The following USP46 variants were observed in gnomAD, a reference collection of about 807,000 sequenced individuals.
USP46 encodes the protein ubiquitin specific peptidase 46.
In USP46, 12 loss-of-function variants were observed where a neutral mutation model predicts 44.4. That is an observed-to-expected ratio of 0.27 (90% CI 0.17 to 0.44). USP46 has a LOEUF of 0.44. Among genes scored for constraint, USP46 ranks in the 20% least tolerant of loss-of-function variants. The pLI, the probability that USP46 is intolerant of heterozygous loss-of-function variation, is 1.00. For synonymous variants in USP46, 155 were observed against 161.5 expected (o/e 0.96, Z 0.31); for missense variants, 248 against 444.8 (o/e 0.56, Z 3.98).
rs187143629 is a variant in USP46 at position 52,628,957 on chromosome 4, C to T, written c.118-794G>A. Among the ~76,000 whole-genome samples the T allele has an allele frequency of 5.9e-4, 90 of 152,300 alleles. 1 individual carries two copies. In the Middle Eastern group the frequency reaches 0.017, roughly 29 times the overall value. ...ATTATTAAAGAGGGAAAACGTCTCA[C>T]TGATTTTCTACTGACTATAAGACCA... On this transcript the variant is annotated intron_variant, in intron 2 of 8. Transcript: ENST00000441222.
chr4:52,610,050 C>T (rs1262112073), intron 5 of USP46, among the ~76,000 whole-genome samples: 1 of 148,322 alleles, frequency 6.7e-6, no homozygotes, highest in African/African-American at 2.5e-5. Flanking sequence ...CTCAGCCTCC[C>T]GTGTAGCTGG....
intron 5 of USP46, among the ~76,000 whole-genome samples, chr4:52,609,813 C>G (rs1485882050): frequency 6.7e-6 from 1 of 149,234 alleles, no homozygotes; most frequent in Admixed American, 6.7e-5. Context: ...TGCCTCTAGC[C>G]TGCCTTCACC....
Position 52,595,661 on chromosome 4 carries a change from A to G in USP46, c.*1979T>C, listed in dbSNP as rs1347149373. 1 of 152,234 alleles carries G rather than the reference A, an allele frequency of 6.6e-6. No individual in the cohort carries two copies. Among genetic ancestry groups the G allele is most frequent in the Non-Finnish European group, 1.5e-5 (1 of 68,036 alleles). 9.4% of individuals were successfully genotyped at this position (152,234 alleles called of 1,614,324 possible). ...TTACTTCTACAGCCTTCCAACTGAA[A>G]TATTTTTTCTAATAAATTAGCTTCA... On this transcript the variant is annotated 3_prime_UTR_variant, in exon 9 of 9. Transcript: ENST00000441222.
chr4:52,615,341 G>A (rs192314215), intron 4 of USP46, among the ~76,000 whole-genome samples: 1 of 152,062 alleles, frequency 6.6e-6, no homozygotes, highest in Non-Finnish European at 1.5e-5. Context: ...TTGGAAAAAC[G>A]ACATACTATG....
At chr4:52,608,656 C>G (rs571510967) in intron 5 of USP46, among the ~76,000 whole-genome samples, 1 of 152,214 alleles carries the variant, frequency 6.6e-6, no homozygotes, top group Admixed American at 6.5e-5. Flanking sequence ...ACCCCTCCAC[C>G]CCCCACTCTC....
intron 1 of USP46, among the ~76,000 whole-genome samples, chr4:52,657,034 C>A: frequency 7.6e-6 from 1 of 131,706 alleles, no homozygotes; most frequent in African/African-American, 3.0e-5. Context: ...CAGTGTGAGA[C>A]CTTGTCAAAA....
At chr4:52,613,287 T>G (rs1048822814) in intron 4 of USP46, among the ~76,000 whole-genome samples, 2 of 152,198 alleles carry the variant, frequency 1.3e-5, no homozygotes, top group Non-Finnish European at 2.9e-5. Context: ...ATGCATGGAA[T>G]ACACACAAAG....
Position 52,597,697 on chromosome 4 carries a change from T to C in USP46, c.1044A>G (p.Ser348=), listed in dbSNP as rs373042114. 2 of 1,603,850 alleles carry C rather than the reference T, an allele frequency of 1.2e-6. No homozygotes were observed. The highest frequency in any genetic ancestry group is 1.7e-6 in the Non-Finnish European group (2 of 1,174,822). The change falls in exon 9 of 9, where the codon TCA becomes TCG. Residue 348 remains serine (S), a synonymous_variant. Coordinates refer to ENST00000441222, the MANE Select transcript of USP46 (RefSeq NM_022832.4). ...QAIEEFYGLT[S]DISKNSESGY... is the part of the protein sequence containing the mutation. ...CAGATTCTGAATTTTTTGATATATC[T>C]GACGTCAGGCCATAGAATTCTTCAA...
chr4:52,608,890 G>GT (rs1245688894), intron 5 of USP46, among the ~76,000 whole-genome samples: 3 of 152,178 alleles, frequency 2.0e-5, no homozygotes, highest in African/African-American at 7.2e-5. Context: ...ATTTGGAGGA[G>GT]TAAGGGGAGA....
intron 4 of USP46, among the ~76,000 whole-genome samples, chr4:52,610,875 T>C (rs1716910520): frequency 6.6e-6 from 1 of 152,122 alleles, no homozygotes; most frequent in Admixed American, 6.5e-5. Context: ...CAGATTTCTC[T>C]TCCTCTCCAT....
chr4:52,640,257 G>C (rs1168422604), intron 1 of USP46, among the ~76,000 whole-genome samples: 1 of 152,084 alleles, frequency 6.6e-6, no homozygotes, highest in Non-Finnish European at 1.5e-5. Context: ...TGTAAATGTG[G>C]TTCATTCCAT....
At chr4:52,644,525 C>T (rs1658836) in intron 1 of USP46, among the ~76,000 whole-genome samples, 2 of 152,090 alleles carry the variant, frequency 1.3e-5, no homozygotes, top group African/African-American at 2.4e-5. Flanking sequence ...GCATTAGATT[C>T]TCATAGGAGA....
chr4:52,621,659 C>T (rs746464374), intron 4 of USP46, among the ~76,000 whole-genome samples: 3 of 150,436 alleles, frequency 2.0e-5, no homozygotes, highest in Admixed American at 6.6e-5. Context: ...CTGTCTCACA[C>T]ACATAAAAAA....
chr4:52,615,274 T>C (rs1292621764), intron 4 of USP46, among the ~76,000 whole-genome samples: 1 of 152,114 alleles, frequency 6.6e-6, no homozygotes, highest in East Asian at 1.9e-4. Flanking sequence ...GACCAATTTC[T>C]ATGCCGTCCG....
chr4:52,609,097 T>G (rs1716814139), intron 5 of USP46, among the ~76,000 whole-genome samples: 5 of 152,240 alleles, frequency 3.3e-5, no homozygotes, highest in Admixed American at 2.0e-4. Flanking sequence ...TTACTCTGCC[T>G]AAGACACAGT....
intron 4 of USP46, among the ~76,000 whole-genome samples, chr4:52,613,721 CA>C (rs59351260): frequency 0.063 from 4,848 of 77,022 alleles, 164 homozygotes; most frequent in African/African-American, 0.17. Context: ...GACTCCATCT[CA>C]AAAAAAAAAA....
chr4:52,655,204 A>C (rs1718907854), intron 1 of USP46: 1 of 152,232 alleles, frequency 6.6e-6, no homozygotes, highest in Non-Finnish European at 1.5e-5. Context: ...ATCTGTGCTG[A>C]TATAACACTG....
intron 4 of USP46, among the ~76,000 whole-genome samples, chr4:52,621,731 AG>A (rs1317273838): frequency 6.6e-6 from 1 of 152,156 alleles, no homozygotes; most frequent in Non-Finnish European, 1.5e-5. Flanking sequence ...GGCACTACCT[AG>A]GAAATCTGAA....
intron 1 of USP46, among the ~76,000 whole-genome samples, chr4:52,641,318 C>G (rs997707554): frequency 2.6e-5 from 4 of 152,092 alleles, no homozygotes; most frequent in African/African-American, 9.7e-5. Flanking sequence ...GTGCAGCCAA[C>G]TTTATTAAAA....
Sources: gnomAD v4.1 joint callset for allele counts (sites outside exome capture counted in the v4.1 genomes callset) on GRCh38, gnomAD v4.1.1 for gene constraint, MANE v1.5 for transcripts, NCBI Gene and HGNC (gene_info 2026-07-23, HGNC 2026-07-21) for gene names.